TMEM182: variants seen among roughly 807,000 people sequenced by gnomAD.
TMEM182 encodes the protein transmembrane protein 182.
A neutral mutation model predicts 26.8 loss-of-function variants in TMEM182; 20 were observed. The observed-to-expected ratio is 0.75, with a 90% CI of 0.53 to 1.09. The LOEUF (loss-of-function observed/expected upper bound fraction) is 1.09, where lower values mean the gene tolerates loss of function less well. Ranked by LOEUF, TMEM182 falls within the 50% of genes least tolerant of loss-of-function variation. TMEM182 has a pLI of 0.00. For missense variants in TMEM182, 277 were observed against 275.5 expected, an observed-to-expected ratio of 1.01 and a Z score of -0.04; for synonymous variants, 109 against 102.2, an observed-to-expected ratio of 1.07 and a Z score of -0.40.
intron 3 of TMEM182, among the ~76,000 whole-genome samples, chr2:102,791,173 T>C (rs1000666093): frequency 3.9e-5 from 6 of 152,160 alleles, no homozygotes; most frequent in African/African-American, 1.4e-4. Flanking sequence ...TGACCACAAA[T>C]GATCTGCCTG....
chr2:102,762,330 G>C lies in TMEM182; in HGVS notation c.113G>C (p.Arg38Thr), dbSNP rs1035126364. 1 of 1,613,874 alleles carries C rather than the reference G, an allele frequency of 6.2e-7. No homozygotes were observed. Among genetic ancestry groups the C allele is most frequent in the African/African-American group, 1.3e-5 (1 of 75,014 alleles). Residue 38 changes from arginine to threonine, a missense_variant, in exon 1 of 5, where the codon AGA becomes ACA. Coordinates refer to ENST00000412401, the MANE Select transcript of TMEM182 (RefSeq NM_144632.5). ...DYWLLATEVG[R>T]CSGEKNIENV... Reference sequence around the variant, plus strand: ...TGGCTTCTTGCAACTGAAGTGGGGAGATGTTCAGGTGAAAAGAATGTGAGT... The same window carrying C: ...TGGCTTCTTGCAACTGAAGTGGGGACATGTTCAGGTGAAAAGAATGTGAGT...
intron 4 of TMEM182, among the ~76,000 whole-genome samples, chr2:102,813,992 T>A (rs1424889044): frequency 6.6e-6 from 1 of 151,998 alleles, no homozygotes; most frequent in Non-Finnish European, 1.5e-5. Context: ...CTCTAATCCA[T>A]GATTTTATAT....
intron 3 of TMEM182, among the ~76,000 whole-genome samples, chr2:102,842,130 C>T (rs149508898): frequency 6.6e-6 from 1 of 152,212 alleles, no homozygotes; most frequent in East Asian, 1.9e-4. Context: ...TCACTTGTCT[C>T]CTTTGGGCTA....
chr2:102,738,426 C>T (rs947750469), intron 1 of TMEM182, among the ~76,000 whole-genome samples: 7 of 152,082 alleles, frequency 4.6e-5, no homozygotes, highest in Non-Finnish European at 1.0e-4. Context: ...AACCCTGTCT[C>T]TACTAAAAAT....
chr2:102,821,273 G>T (rs1297442135), downstream of TMEM182, among the ~76,000 whole-genome samples: 1 of 152,158 alleles, frequency 6.6e-6, no homozygotes, highest in Non-Finnish European at 1.5e-5. Flanking sequence ...TTGAGTATTT[G>T]TCCCCACATC....
chr2:102,839,629 G>C (rs933257905), intron 3 of TMEM182, among the ~76,000 whole-genome samples: 6 of 151,884 alleles, frequency 4.0e-5, no homozygotes, highest in Non-Finnish European at 8.8e-5. Context: ...CAAGAGTGTA[G>C]GTATTACATA....
intron 3 of TMEM182, among the ~76,000 whole-genome samples, chr2:102,770,629 G>C (rs1573512402): frequency 6.6e-6 from 1 of 152,136 alleles, no homozygotes; most frequent in South Asian, 2.1e-4. Flanking sequence ...AGACAGCAGT[G>C]ATCTCACAAA....
chr2:102,807,987 T>C (rs1273915004), intron 4 of TMEM182, among the ~76,000 whole-genome samples: 3 of 151,906 alleles, frequency 2.0e-5, no homozygotes, highest in Non-Finnish European at 4.4e-5. Context: ...TAATTGGGAG[T>C]CTTTTATGAA....
In TMEM182 at chr2:102,816,292, G is replaced by A. The variant is rs1682742963; in HGVS notation, c.*1324G>A. 1.0e-6 allele frequency: 1 copy of A among 985,354 alleles called. No homozygotes were observed. The highest frequency in any genetic ancestry group is 1.2e-6 in the Non-Finnish European group (1 of 829,932). 61.0% of individuals were successfully genotyped at this position (985,354 alleles called of 1,614,324 possible). On this transcript the variant is annotated 3_prime_UTR_variant, in exon 5 of 5. Coordinates refer to ENST00000412401, the MANE Select transcript of TMEM182 (RefSeq NM_144632.5). ...ATTCTGCAGCTGTTGTGAGGACAGA[G>A]AGGCATGGCCCACAGGCAAAAAAAG...
intron 1 of TMEM182, 85 bp from the exon 2 acceptor site, chr2:102,762,502 C>T (rs1573501441): frequency 6.5e-7 from 1 of 1,535,094 alleles, no homozygotes; most frequent in East Asian, 2.3e-5. Context: ...GGATAAAATA[C>T]ATGTCCTTAA....
intron 3 of TMEM182, among the ~76,000 whole-genome samples, chr2:102,772,792 G>A (rs140310138): frequency 2.6e-4 from 39 of 152,274 alleles, no homozygotes; most frequent in African/African-American, 8.7e-4. Flanking sequence ...AATGCTTGGC[G>A]GAGTCGTTGC....
intron 3 of TMEM182, among the ~76,000 whole-genome samples, chr2:102,795,464 C>G (rs1325506080): frequency 6.6e-6 from 1 of 152,120 alleles, no homozygotes. Context: ...TTTCGGCAGG[C>G]AATCAACCAA....
At chr2:102,823,870 C>G (rs1355968695) in intron 3 of TMEM182, among the ~76,000 whole-genome samples, 2 of 152,204 alleles carry the variant, frequency 1.3e-5, no homozygotes, top group Non-Finnish European at 2.9e-5. Context: ...TGGGAATACT[C>G]AGCTTTCTGT....
At chr2:102,772,309 C>A (rs1680712072) in intron 3 of TMEM182, among the ~76,000 whole-genome samples, 1 of 152,182 alleles carries the variant, frequency 6.6e-6, no homozygotes, top group African/African-American at 2.4e-5. Flanking sequence ...GCCCTAAATT[C>A]TTGCCCTCGT....
intron 1 of TMEM182, among the ~76,000 whole-genome samples, chr2:102,737,687 T>G (rs1679396858): frequency 6.6e-6 from 1 of 151,986 alleles, no homozygotes. Flanking sequence ...AGATTTGGGG[T>G]TTATTCTGAG....
rs554485023 is a variant in TMEM182 at position 102,773,410 on chromosome 2, C to A, written c.331+8983C>A. Among the ~76,000 whole-genome samples, 4 of 151,862 alleles carry A rather than the reference C, an allele frequency of 2.6e-5. No homozygotes were observed. In the South Asian group the frequency reaches 8.3e-4, roughly 32 times the overall value. ...TGGCCAGGGGAAAGCACATCTCTGACATTGGAGTGGAAACCAGAAGAAAGC... is the reference window on the plus strand; with the variant it reads ...TGGCCAGGGGAAAGCACATCTCTGAAATTGGAGTGGAAACCAGAAGAAAGC... On this transcript the variant is annotated intron_variant, in intron 3 of 4. Transcript: ENST00000412401.
At chr2:102,750,804 C>A (rs576737157) in intron 1 of TMEM182, among the ~76,000 whole-genome samples, 4 of 152,198 alleles carry the variant, frequency 2.6e-5, no homozygotes, top group African/African-American at 9.6e-5. Context: ...TTTTACCCAC[C>A]CACTGTGTTC....
At chr2:102,764,223 T>G in intron 2 of TMEM182, 106 bp from the exon 3 acceptor site, 1 of 1,116,678 alleles carries the variant, frequency 9.0e-7, no homozygotes, top group African/African-American at 1.5e-5. Flanking sequence ...ACCAGTAGTT[T>G]TGTTTTGCTT....
At chr2:102,761,209 A>T (rs1447134851), upstream of TMEM182, among the ~76,000 whole-genome samples, 1 of 152,218 alleles carries the variant, frequency 6.6e-6, no homozygotes, top group Admixed American at 6.5e-5. Context: ...AATAAGCTGT[A>T]AAGAGTTAAG....
Sources: gnomAD v4.1 joint callset for allele counts (sites outside exome capture counted in the v4.1 genomes callset) on GRCh38, gnomAD v4.1.1 for gene constraint, MANE v1.5 for transcripts, NCBI Gene and HGNC (gene_info 2026-07-23, HGNC 2026-07-21) for gene names.